Variants in PRKAG2 observed in about 807,000 individuals in gnomAD.
The protein encoded by PRKAG2 is protein kinase AMP-activated non-catalytic subunit gamma 2, also known as 5'-AMP-activated protein kinase subunit gamma-2.
Under a neutral mutation model 69.6 loss-of-function variants are expected in PRKAG2, and 26 were observed. That is an observed-to-expected ratio of 0.37 (90% confidence interval 0.27 to 0.52). The LOEUF (loss-of-function observed/expected upper bound fraction) is 0.52. PRKAG2 is among the 20% of genes least tolerant of loss of function. PRKAG2 has a pLI of 0.90. For synonymous variants in PRKAG2, 293 were observed against 285.0 expected, an observed-to-expected ratio of 1.03 and a Z score of -0.28; for missense variants, 557 against 740.0, an observed-to-expected ratio of 0.75 and a Z score of 2.87.
chr7:151,711,261 G>T (rs1795258101), intron 3 of PRKAG2, among the ~76,000 whole-genome samples: 1 of 80,164 alleles, frequency 1.2e-5, no homozygotes, highest in African/African-American at 4.1e-5. Flanking sequence ...AGAGTATGAA[G>T]AGTGCTAGGC....
intron 1 of PRKAG2, chr7:151,806,727 A>T (rs1586619901): frequency 3.2e-6 from 1 of 310,382 alleles, no homozygotes; most frequent in East Asian, 9.1e-5. Context: ...GAGGACTTTG[A>T]GGTGGAGACG....
chr7:151,826,982 C>A (rs1410368957), intron 1 of PRKAG2, among the ~76,000 whole-genome samples: 2 of 152,194 alleles, frequency 1.3e-5, no homozygotes, highest in East Asian at 3.8e-4. Context: ...CAGTGAAAAT[C>A]AGGTTTGGAG....
chr7:151,577,300 A>G (rs565794006), intron 6 of PRKAG2, among the ~76,000 whole-genome samples: 36 of 152,298 alleles, frequency 2.4e-4, no homozygotes, highest in African/African-American at 8.7e-4. Context: ...CTCACTTAAC[A>G]CTCATAACAA....
chr7:151,589,362 C>T (rs1812481570), intron 6 of PRKAG2, among the ~76,000 whole-genome samples: 1 of 152,216 alleles, frequency 6.6e-6, no homozygotes, highest in Non-Finnish European at 1.5e-5. Context: ...GTACACCAGA[C>T]TCACACAGCA....
rs117690714 is a variant in PRKAG2 at position 151,814,811 on chromosome 7, T to A, written c.115-28270A>T. Reference sequence around the variant, plus strand: ...GGCAGAGCTCGGGCAGATTCCCCCATTGACGGGACTGCAGCAAACTGTCAT... The same window carrying A: ...GGCAGAGCTCGGGCAGATTCCCCCAATGACGGGACTGCAGCAAACTGTCAT... On this transcript the variant is annotated intron_variant, in intron 1 of 15. Coordinates refer to ENST00000287878, the MANE Select transcript of PRKAG2 (RefSeq NM_016203.4). This position sits in a 1 kb window ranked among gnomAD's most constrained non-coding sequence, Gnocchi z 4.8. 8.1e-7 allele frequency: 1 copy of A among 1,231,656 alleles called. No homozygotes were observed. The highest frequency in any genetic ancestry group is 1.0e-6 in the Non-Finnish European group (1 of 988,004). 76.3% of individuals were successfully genotyped at this position (1,231,656 alleles called of 1,614,324 possible).
intron 1 of PRKAG2, among the ~76,000 whole-genome samples, chr7:151,875,872 G>A (rs1418775840): frequency 2.0e-5 from 3 of 152,120 alleles, no homozygotes; most frequent in East Asian, 1.9e-4. Flanking sequence ...GCACGGATTA[G>A]GGAGCTCCGA....
At chr7:151,716,343 C>T (rs918664990) in intron 3 of PRKAG2, among the ~76,000 whole-genome samples, 3 of 152,144 alleles carry the variant, frequency 2.0e-5, no homozygotes, top group Admixed American at 6.5e-5. Flanking sequence ...AGACCTCCAT[C>T]GGGTGAAAAT....
At position 151,570,162 on chromosome 7, in the gene PRKAG2, C is replaced by A. The variant is rs200429988; in HGVS notation, c.1106+9G>T. On this transcript the variant is annotated intron_variant, in intron 10 of 15. Coordinates refer to ENST00000287878, the MANE Select transcript of PRKAG2 (RefSeq NM_016203.4). ...TGAATGTTTTCAAAGAAAAAAAAAA[C>A]AAGTTTACCTTGCATCTGGAGATAT... is the stretch of plus-strand genomic sequence containing the variant. 12 of 1,587,968 alleles carry A rather than the reference C, an allele frequency of 7.6e-6. No homozygotes were observed. The highest frequency in any genetic ancestry group is 5.4e-5 in the African/African-American group (4 of 74,034).
In PRKAG2 at chr7:151,631,934, G is replaced by A. The variant is rs572808033; in HGVS notation, c.754+135C>T. On this transcript the variant is annotated intron_variant, in intron 5 of 15. Transcript: ENST00000287878. ...GCATCCCCGCCCCGGTTCCCGCCCC[G>A]GCCCCTGGGCTTCCGCAGGACGCAG... is the stretch of plus-strand genomic sequence containing the variant. The A allele has an allele frequency of 8.3e-4, 769 of 922,658 alleles. 15 individuals carry two copies. The East Asian group carries it at 0.035, about 42-fold the overall frequency. The allele number at this position is 922,658 out of a possible 1,614,324, so 57.2% of individuals were successfully genotyped here. A position where few individuals can be genotyped will look rare whatever the true frequency, so the allele number is the denominator to read the frequency against.
At chr7:151,631,672 A>G (rs1213508918) in intron 5 of PRKAG2, 14 of 457,244 alleles carry the variant, frequency 3.1e-5, no homozygotes, top group Admixed American at 1.6e-4. Context: ...TAAGGGCACC[A>G]GTCTATGATT....
rs114415375 is a variant in PRKAG2 at position 151,719,383 on chromosome 7, C to T, written c.467-43746G>A. On this transcript the variant is annotated intron_variant, in intron 3 of 15. Coordinates refer to ENST00000287878, the MANE Select transcript of PRKAG2 (RefSeq NM_016203.4). The surrounding 1 kb of genome is among the most constrained non-coding windows in gnomAD (Gnocchi z 5.2). ...GCTGGGGGAGCTGGGCTATAACTTCCGCTTCCCCCTTCACACAGAGACCAT... is the reference window on the plus strand; with the variant it reads ...GCTGGGGGAGCTGGGCTATAACTTCTGCTTCCCCCTTCACACAGAGACCAT... Among the ~76,000 whole-genome samples the T allele has an allele frequency of 4.9e-3, 738 of 152,160 alleles. 10 individuals carry two copies. The highest frequency in any genetic ancestry group is 0.017 in the African/African-American group (701 of 41,528).
At chr7:151,721,211 C>T (rs1797038245) in intron 3 of PRKAG2, among the ~76,000 whole-genome samples, 1 of 152,028 alleles carries the variant, frequency 6.6e-6, no homozygotes, top group Non-Finnish European at 1.5e-5. Flanking sequence ...TTTCTGGGGT[C>T]CCATCCCTGC....
chr7:151,635,404 CT>C (rs35694736), intron 4 of PRKAG2, among the ~76,000 whole-genome samples: 2 of 152,268 alleles, frequency 1.3e-5, no homozygotes, highest in Admixed American at 6.5e-5. Context: ...TTCATAGCAG[CT>C]TTTTTGCAAC....
rs190758181 is a variant in PRKAG2, at chr7:151,608,920, G to A, written c.755-13466C>T. Among the ~76,000 whole-genome samples, 11 of 151,224 alleles carry A rather than the reference G, an allele frequency of 7.3e-5. No individual in the cohort carries two copies. In the East Asian group the frequency reaches 1.9e-3, roughly 27 times the overall value. ...TTTCTTTTTTGTTCAAGATGGGGTC[G>A]CACACTATGTTGCCCAGCCTGGCCT... On this transcript the variant is annotated intron_variant, in intron 5 of 15. Transcript: ENST00000287878.
Position 151,807,474 on chromosome 7 carries a change from T to C in PRKAG2, c.115-20933A>G, listed in dbSNP as rs377722976. The C allele has an allele frequency of 4.4e-4, 203 of 457,880 alleles. No individual in the cohort carries two copies. Among genetic ancestry groups the C allele is most frequent in the Non-Finnish European group, 7.0e-4 (160 of 226,990 alleles). 28.4% of individuals were successfully genotyped at this position (457,880 alleles called of 1,614,324 possible). ...TTGGCCTCTTGGTGCCAAAGCACCA[T>C]GGCGTGTTACACCTATCAGATCGGG... On this transcript the variant is annotated intron_variant, in intron 1 of 15. Transcript: ENST00000287878. This position sits in a 1 kb window ranked among gnomAD's most constrained non-coding sequence, Gnocchi z 4.4.
At chr7:151,871,848 G>A (rs1164979640) in intron 1 of PRKAG2, among the ~76,000 whole-genome samples, 3 of 152,198 alleles carry the variant, frequency 2.0e-5, no homozygotes, top group Non-Finnish European at 4.4e-5. Context: ...GATATGGGCT[G>A]GAGGCTGAGG....
intron 4 of PRKAG2, among the ~76,000 whole-genome samples, chr7:151,650,052 A>G (rs141763696): frequency 7.2e-5 from 11 of 152,252 alleles, no homozygotes; most frequent in African/African-American, 2.4e-4. Flanking sequence ...CTTTTTAAAC[A>G]GCAAAAATTA....
At chr7:151,845,060 G>A (rs1455591134) in intron 1 of PRKAG2, among the ~76,000 whole-genome samples, 1 of 149,732 alleles carries the variant, frequency 6.7e-6, no homozygotes, top group Non-Finnish European at 1.5e-5. Flanking sequence ...GGTGCTGGGA[G>A]ACATCTGTCC....
chr7:151,807,697 G>C lies in PRKAG2; in HGVS notation c.115-21156C>G, dbSNP rs1408938550. ...CAACCGTTTCCACTGCCTATTCCCG[G>C]GCCCCTCACTTGGGTCAAGGCAGCA... On this transcript the variant is annotated intron_variant, in intron 1 of 15. Transcript: ENST00000287878. This position sits in a 1 kb window ranked among gnomAD's most constrained non-coding sequence, Gnocchi z 4.4. The C allele has an allele frequency of 9.3e-5, 40 of 432,366 alleles. No individual in the cohort carries two copies. The highest frequency in any genetic ancestry group is 6.2e-4 in the South Asian group (38 of 61,028). The allele number at this position is 432,366 out of a possible 1,614,324, so 26.8% of individuals were successfully genotyped here. A position where few individuals can be genotyped will look rare whatever the true frequency, so the allele number is the denominator to read the frequency against.
Sources: gnomAD v4.1 joint callset for allele counts (sites outside exome capture counted in the v4.1 genomes callset) on GRCh38, gnomAD v4.1.1 for gene constraint, Gnocchi (gnomAD v3.1) non-coding constraint, MANE v1.5 for transcripts, NCBI Gene and HGNC (gene_info 2026-07-23, HGNC 2026-07-21) for gene names.